ARID1A: variants seen among roughly 807,000 people sequenced by gnomAD.
The protein encoded by ARID1A is AT-rich interaction domain 1A, also known as AT-rich interactive domain-containing protein 1A.
Under a neutral mutation model 212.6 loss-of-function variants are expected in ARID1A, and 20 were observed. The ratio of observed to expected loss-of-function variants is 0.09; its 90% CI spans 0.07 to 0.14. The LOEUF (loss-of-function observed/expected upper bound fraction) is 0.14, where lower values mean the gene tolerates loss of function less well. ARID1A is among the 10% of genes least tolerant of loss of function. The probability of loss-of-function intolerance (pLI) is 1.00; values close to 1 mark genes in which losing one functional copy is unlikely to be tolerated. For synonymous variants in ARID1A, 1,376 were observed against 1,222.1 expected, an observed-to-expected ratio of 1.13 and a Z score of -2.63; for missense variants, 2,587 against 3,059.0, an observed-to-expected ratio of 0.85 and a Z score of 3.64.
chr1:26,714,984 C>T (rs1200356400), intron 1 of ARID1A, among the ~76,000 whole-genome samples: 2 of 152,168 alleles, frequency 1.3e-5, no homozygotes, highest in East Asian at 1.9e-4. Flanking sequence ...GTTCCTACAG[C>T]TCAGTGATCT....
rs1391457229 is a variant in ARID1A at position 26,779,262 on chromosome 1, A to G, written c.5364A>G (p.Ile1788Met). 1 of 1,614,252 alleles carries G rather than the reference A, an allele frequency of 6.2e-7. No homozygotes were observed. Residue 1788 changes from isoleucine (I) to methionine (M), a missense_variant, in exon 20 of 20, where the codon ATA (isoleucine) becomes ATG (methionine). Physicochemically the swap from Ile to Met is conservative, Grantham distance 10. Around this residue, in one of 11 missense-constraint regions of ARID1A, gnomAD observed 890 missense variants for 1,098.2 expected, o/e 0.81. Transcript: ENST00000324856. ...AAGTAGTTGAAAATGATGAGGAGAT[A>G]GCCTTTTCAGGCAAGGACAAGCCAG... is the stretch of plus-strand genomic sequence containing the variant. Reference protein sequence around the residue: ...EEEVVENDEEIAFSGKDKPAS... With the variant: ...EEEVVENDEEMAFSGKDKPAS...
Position 26,696,377 on chromosome 1 carries a change from C to G in ARID1A, c.-27C>G. On this transcript the variant is annotated 5_prime_UTR_variant, in exon 1 of 20. Coordinates refer to ENST00000324856, the MANE Select transcript of ARID1A (RefSeq NM_006015.6). ...GGAGAAGACGAAGACAGGGCCGGGTCTCTCCGCGGACGAGACAGCGGGGAT... is the reference window on the plus strand; with the variant it reads ...GGAGAAGACGAAGACAGGGCCGGGTGTCTCCGCGGACGAGACAGCGGGGAT... The G allele has an allele frequency of 1.6e-6, 2 of 1,238,360 alleles. No individual in the cohort carries two copies. Among genetic ancestry groups the G allele is most frequent in the Non-Finnish European group, 1.0e-6 (1 of 990,238 alleles). The allele number at this position is 1,238,360 out of a possible 1,614,324, so 76.7% of individuals were successfully genotyped here. A position where few individuals can be genotyped will look rare whatever the true frequency, so the allele number is the denominator to read the frequency against.
At chr1:26,733,153 A>G (rs918838890) in intron 4 of ARID1A, among the ~76,000 whole-genome samples, 30 of 152,294 alleles carry the variant, frequency 2.0e-4, no homozygotes, top group African/African-American at 7.2e-4. Context: ...TTTTGGCTTA[A>G]TGTTTAGCTA....
intron 4 of ARID1A, among the ~76,000 whole-genome samples, chr1:26,752,055 T>C (rs1308533458): frequency 6.6e-6 from 1 of 152,232 alleles, no homozygotes; most frequent in Admixed American, 6.5e-5. Flanking sequence ...TCTAAACCTT[T>C]CCTGGAGTAG....
rs1281617246 is a variant in ARID1A, at chr1:26,753,729, G to A, written c.1921-7127G>A. On this transcript the variant is annotated intron_variant, in intron 4 of 19. Transcript: ENST00000324856. ...GAAAAGAAATCTTCCCATTAAAGGG[G>A]CATTGCTACAGTTATTTCCGCAGTC... 8.5e-5 allele frequency among the ~76,000 whole-genome samples: 13 copies of A among 152,300 alleles called. 1 individual carries two copies. In the South Asian group the frequency reaches 1.4e-3, roughly 17 times the overall value.
At chr1:26,777,393 ATTT>A (rs773418013) in intron 19 of ARID1A, among the ~76,000 whole-genome samples, 4 of 136,324 alleles carry the variant, frequency 2.9e-5, no homozygotes, top group Admixed American at 7.4e-5. Context: ...TGCTCAGCTA[ATTT>A]TTTTTTTTTT....
chr1:26,724,577 A>G (rs2080598861), intron 1 of ARID1A, among the ~76,000 whole-genome samples: 3 of 152,128 alleles, frequency 2.0e-5, no homozygotes, highest in Non-Finnish European at 1.5e-5. Flanking sequence ...ATTTGCAGCT[A>G]TTTTAATCTG....
At chr1:26,733,101 A>G (rs2080696373) in intron 4 of ARID1A, among the ~76,000 whole-genome samples, 1 of 152,200 alleles carries the variant, frequency 6.6e-6, no homozygotes, top group Admixed American at 6.5e-5. Context: ...TGAGAAAAAT[A>G]TCAGTTTCTT....
At chr1:26,772,738 G>A (rs2124105870) in intron 13 of ARID1A, 74 bp from the exon 14 acceptor site, 1 of 1,606,044 alleles carries the variant, frequency 6.2e-7, no homozygotes, top group South Asian at 1.1e-5. Flanking sequence ...CCCAGCCAGT[G>A]ACTCCTGCGT....
rs778547789 is a variant in ARID1A at position 26,773,399 on chromosome 1, G to A, written c.3769G>A (p.Gly1257Ser). Residue 1257 changes from glycine to serine, a missense_variant, in exon 15 of 20, where the codon GGT (glycine) becomes AGT (serine). This residue lies in a region of ARID1A where 890 missense variants were observed against 1,098.2 expected (regional missense o/e 0.81). Transcript: ENST00000324856. ...SSGQGPNGGM[G>S]DPYSRAAGPG... The stretch of plus-strand genomic sequence containing the variant: ...AGGGCAGGGCCCCAACGGCGGGATG[G>A]GTGACCCCTACAGTCGTGCTGCCGG... The A allele has an allele frequency of 1.2e-6, 2 of 1,612,730 alleles. No homozygotes were observed. The highest frequency in any genetic ancestry group is 1.7e-6 in the Non-Finnish European group (2 of 1,179,310).
chr1:26,739,426 G>A (rs1353953437), intron 4 of ARID1A, among the ~76,000 whole-genome samples: 1 of 152,098 alleles, frequency 6.6e-6, no homozygotes. Context: ...TTTCTAACAA[G>A]CTCTGAAGTG....
Position 26,766,528 on chromosome 1 carries a change from A to C in ARID1A, c.2950A>C (p.Lys984Gln). Residue 984 changes from lysine to glutamine, a missense_variant, in exon 10 of 20, where the codon AAG becomes CAG. Physicochemically the swap from Lys to Gln is moderately conservative, Grantham distance 53. Transcript: ENST00000324856. ...AACTCCAGCCACCAAAATGAACAAC[A>C]AGGCAGATGGGACACCCAAGACAGA... ...KLTPATKMNN[K>Q]ADGTPKTESK... 6.2e-7 allele frequency: 1 copy of C among 1,613,810 alleles called. No individual in the cohort carries two copies. The highest frequency in any genetic ancestry group is 1.1e-5 in the South Asian group (1 of 91,020).
chr1:26,699,576 T>C (rs1283375365), intron 1 of ARID1A, among the ~76,000 whole-genome samples: 2 of 152,216 alleles, frequency 1.3e-5, no homozygotes, highest in African/African-American at 4.8e-5. Flanking sequence ...CATGATGTTC[T>C]GCATCTGGAC....
At position 26,778,941 on chromosome 1, in the gene ARID1A, T is replaced by A. The variant is rs966836535; in HGVS notation, c.5125-82T>A. 23 of 1,366,494 alleles carry A rather than the reference T, an allele frequency of 1.7e-5. No individual in the cohort carries two copies. In the African/African-American group the frequency reaches 2.9e-4, roughly 17 times the overall value. 84.6% of individuals were successfully genotyped at this position (1,366,494 alleles called of 1,614,324 possible). A position where few individuals can be genotyped will look rare whatever the true frequency, so the allele number is the denominator to read the frequency against. ...GCCTCTCCCAACTGATACAGAAGAC[T>A]TGGGGAGGTCTCTCAAGTCAATAAT... On this transcript the variant is annotated intron_variant, in intron 19 of 19. Transcript: ENST00000324856.
chr1:26,734,421 A>G (rs1355161887), intron 4 of ARID1A, among the ~76,000 whole-genome samples: 2 of 148,466 alleles, frequency 1.3e-5, no homozygotes, highest in African/African-American at 5.0e-5. Flanking sequence ...TGGGAATCTT[A>G]AGAACTTCTT....
chr1:26,705,713 C>G (rs1467759941), intron 1 of ARID1A, among the ~76,000 whole-genome samples: 7 of 152,162 alleles, frequency 4.6e-5, no homozygotes, highest in Non-Finnish European at 1.0e-4. Context: ...CTTGAGTATT[C>G]TTCCTGAAAT....
chr1:26,702,266 T>C (rs2080338623), intron 1 of ARID1A, among the ~76,000 whole-genome samples: 1 of 152,202 alleles, frequency 6.6e-6, no homozygotes, highest in Non-Finnish European at 1.5e-5. Flanking sequence ...ATCGCTATGG[T>C]TTAAAAAACT....
At chr1:26,703,460 G>GT (rs1284217600) in intron 1 of ARID1A, among the ~76,000 whole-genome samples, 2 of 152,144 alleles carry the variant, frequency 1.3e-5, no homozygotes, top group African/African-American at 2.4e-5. Flanking sequence ...TATAAGAAGT[G>GT]TTTTTTACAC....
intron 4 of ARID1A, chr1:26,753,318 T>C (rs2080900638): frequency 6.6e-6 from 1 of 152,306 alleles, no homozygotes; most frequent in African/African-American, 2.4e-5. Flanking sequence ...TTCTGTTTGT[T>C]AGCAGAGCCT....
Sources: allele counts gnomAD v4.1 joint callset (sites outside exome capture counted in the v4.1 genomes callset), GRCh38; gene constraint gnomAD v4.1.1; regional missense constraint gnomAD v4.1.1; transcripts MANE v1.5; gene names NCBI Gene and HGNC (gene_info 2026-07-23, HGNC 2026-07-21).